ANO3: variants seen among roughly 807,000 people sequenced by gnomAD.
ANO3 encodes the protein anoctamin-3.
In ANO3, 99 loss-of-function variants were observed where a neutral mutation model predicts 144.8. The observed-to-expected ratio is 0.68, with a 90% CI of 0.58 to 0.81. The LOEUF is 0.81. Among genes scored for constraint, ANO3 ranks in the 30% least tolerant of loss-of-function variants. The probability of loss-of-function intolerance (pLI) is 0.00; values close to 1 mark genes in which losing one functional copy is unlikely to be tolerated. For missense variants in ANO3, 905 were observed against 1,202.2 expected (o/e 0.75, Z 3.66); for synonymous variants, 414 against 392.6 (o/e 1.05, Z -0.64).
intron 1 of ANO3, among the ~76,000 whole-genome samples, chr11:26,376,512 G>A (rs1856413681): frequency 1.3e-5 from 2 of 152,042 alleles, no homozygotes; most frequent in African/African-American, 4.8e-5. Context: ...TTGGTAAAGG[G>A]AACTTATGCA....
intron 13 of ANO3, among the ~76,000 whole-genome samples, chr11:26,557,247 C>T (rs964960295): frequency 6.6e-6 from 1 of 151,874 alleles, no homozygotes; most frequent in Non-Finnish European, 1.5e-5. Flanking sequence ...GGATCACGAG[C>T]TCAGGAGATC....
At chr11:26,334,831 G>T (rs996977794) in intron 1 of ANO3, among the ~76,000 whole-genome samples, 3 of 152,010 alleles carry the variant, frequency 2.0e-5, no homozygotes, top group African/African-American at 4.8e-5. Context: ...TAAAAATTTT[G>T]ATTTCAACTT....
chr11:26,598,534 G>A, intron 15 of ANO3, 87 bp downstream of exon 15: 1 of 916,692 alleles, frequency 1.1e-6, no homozygotes, highest in Non-Finnish European at 1.7e-6. Flanking sequence ...GCTGGAAGCA[G>A]TTAACCACCA....
At chr11:26,399,697 T>C (rs1259529499) in intron 1 of ANO3, among the ~76,000 whole-genome samples, 1 of 151,988 alleles carries the variant, frequency 6.6e-6, no homozygotes, top group African/African-American at 2.4e-5. Flanking sequence ...TTGCTTTTGT[T>C]GATGGTTGAA....
At chr11:26,518,667 T>G (rs1239105172) in intron 6 of ANO3, among the ~76,000 whole-genome samples, 2 of 151,988 alleles carry the variant, frequency 1.3e-5, no homozygotes, top group African/African-American at 4.8e-5. Context: ...TTAGCGGATA[T>G]AAGCAAATTA....
chr11:26,226,020 C>G (rs12791123), intron 1 of ANO3, among the ~76,000 whole-genome samples: 45,932 of 151,836 alleles, frequency 0.3, 7,683 homozygotes, highest in Non-Finnish European at 0.37. Context: ...CCCCAAGGAG[C>G]AGTTTTTTGG....
intron 12 of ANO3, among the ~76,000 whole-genome samples, chr11:26,551,032 A>C (rs1395743482): frequency 6.6e-6 from 1 of 151,896 alleles, no homozygotes; most frequent in African/African-American, 2.4e-5. Context: ...TTTAAAAGCA[A>C]TGATTTATCC....
intron 14 of ANO3, among the ~76,000 whole-genome samples, chr11:26,584,542 A>T (rs1690067): frequency 0.89 from 135,153 of 152,240 alleles, 60,114 homozygotes; most frequent in East Asian, 0.96. Flanking sequence ...TTCTATTCAA[A>T]AATTCAGTTC....
intron 1 of ANO3, among the ~76,000 whole-genome samples, chr11:26,298,975 T>A (rs1854155449): frequency 6.6e-6 from 1 of 152,148 alleles, no homozygotes; most frequent in Non-Finnish European, 1.5e-5. Flanking sequence ...GAAGAAGACA[T>A]ACATGTGGTC....
intron 17 of ANO3, among the ~76,000 whole-genome samples, chr11:26,614,119 A>C (rs888835075): frequency 3.3e-5 from 5 of 152,214 alleles, no homozygotes; most frequent in African/African-American, 1.2e-4. Context: ...TTCAGGCTGT[A>C]CATGAACATA....
At chr11:26,506,276 T>C (rs1056819583) in intron 4 of ANO3, among the ~76,000 whole-genome samples, 2 of 152,204 alleles carry the variant, frequency 1.3e-5, no homozygotes, top group African/African-American at 2.4e-5. Flanking sequence ...TTTTTAAATA[T>C]AGTGGTCAGG....
At position 26,463,118 on chromosome 11, in the gene ANO3, T is replaced by G. The variant is rs767450643; in HGVS notation, c.402T>G (p.Asp134Glu). 1.6e-5 allele frequency: 26 copies of G among 1,588,120 alleles called. No individual in the cohort carries two copies. The highest frequency in any genetic ancestry group is 1.7e-4 in the Middle Eastern group (1 of 5,984). Reference protein sequence around the residue: ...SRLINDFVIKDKSEFKTKLSK... With the variant: ...SRLINDFVIKEKSEFKTKLSK... ...TCATTAATGACTTTGTTATCAAAGA[T>G]AAATCTGAATTCAAGACAAAATTAT... The change falls in exon 4 of 27, where the codon GAT becomes GAG. Residue 134 changes from aspartate to glutamate, a missense_variant. Coordinates refer to ENST00000256737, the MANE Select transcript of ANO3 (RefSeq NM_031418.4).
intron 6 of ANO3, among the ~76,000 whole-genome samples, chr11:26,517,445 G>A (rs1389378540): frequency 6.6e-6 from 1 of 151,934 alleles, no homozygotes; most frequent in Non-Finnish European, 1.5e-5. Flanking sequence ...CTTCCTTTAG[G>A]CAAGTAAAGA....
intron 14 of ANO3, chr11:26,565,206 T>C (rs1327497550): frequency 6.0e-6 from 9 of 1,509,350 alleles, no homozygotes; most frequent in African/African-American, 1.4e-5. Context: ...TTTTGAATTA[T>C]TGGTGAATTT....
At chr11:26,333,288 T>C (rs1855105113) in intron 1 of ANO3, among the ~76,000 whole-genome samples, 1 of 151,348 alleles carries the variant, frequency 6.6e-6, no homozygotes, top group Admixed American at 6.6e-5. Context: ...CTTTGACTTT[T>C]TTTTTTTTTT....
At chr11:26,501,145 C>T (rs995727687) in intron 4 of ANO3, among the ~76,000 whole-genome samples, 11 of 152,154 alleles carry the variant, frequency 7.2e-5, no homozygotes, top group African/African-American at 2.7e-4. Context: ...GATACTTGGC[C>T]TTATGAGCTG....
At chr11:26,606,870 T>C (rs1015317357) in intron 17 of ANO3, among the ~76,000 whole-genome samples, 1 of 152,328 alleles carries the variant, frequency 6.6e-6, no homozygotes, top group East Asian at 1.9e-4. Flanking sequence ...GTGTCATTGA[T>C]CTTTATATTT....
rs73447727 is a variant in ANO3 at position 26,477,923 on chromosome 11, C to T, written c.432+14775C>T. ...ATATGAACAGGGATACTCATTGCAT[C>T]GTTATGAATCATAGCAAAGAATAAT... On this transcript the variant is annotated intron_variant, in intron 4 of 26. Coordinates refer to ENST00000256737, the MANE Select transcript of ANO3 (RefSeq NM_031418.4). Among the ~76,000 whole-genome samples, 981 of 152,092 alleles carry T rather than the reference C, an allele frequency of 6.5e-3. 11 individuals are homozygous for T. The highest frequency in any genetic ancestry group is 0.022 in the African/African-American group (932 of 41,494).
chr11:26,206,763 G>A (rs1004864942), intron 1 of ANO3, among the ~76,000 whole-genome samples: 4 of 152,174 alleles, frequency 2.6e-5, no homozygotes, highest in African/African-American at 4.8e-5. Flanking sequence ...GCTGGTCATT[G>A]AGCAGATGAA....
Sources: allele counts gnomAD v4.1 joint callset (sites outside exome capture counted in the v4.1 genomes callset), GRCh38; gene constraint gnomAD v4.1.1; transcripts MANE v1.5; gene names NCBI Gene and HGNC (gene_info 2026-07-23, HGNC 2026-07-21).